Variants in CLCA2 observed in about 807,000 individuals in gnomAD.
CLCA2 encodes calcium-activated chloride channel regulator 2.
In CLCA2, 85 loss-of-function variants were observed where a neutral mutation model predicts 82.9. The ratio of observed to expected loss-of-function variants is 1.03; its 90% CI spans 0.86 to 1.23. CLCA2 has a LOEUF of 1.23. Ranked by LOEUF, CLCA2 falls within the 50% of genes most tolerant of loss-of-function variation. The pLI is 0.00. For synonymous variants in CLCA2, 421 were observed against 391.7 expected, an observed-to-expected ratio of 1.07 and a Z score of -0.88; for missense variants, 1,089 against 1,124.8, an observed-to-expected ratio of 0.97 and a Z score of 0.45.
chr1:86,427,547 T>TAC (rs146595899), intron 2 of CLCA2, among the ~76,000 whole-genome samples: 29,157 of 148,068 alleles, frequency 0.2, 3,005 homozygotes, highest in East Asian at 0.41. Flanking sequence ...CACACATACA[T>TAC]ACACACACAC....
In CLCA2 at chr1:86,447,753, G is replaced by C; in HGVS notation, c.1959G>C (p.Thr653=). ...AGCCAGAGACTGGAGATCCTGTTAC[G>C]CTGAGACTCCTTGATGATGGAGCAG... ...TVEPETGDPV[T]LRLLDDGAGA... The change falls in exon 11 of 14, where the codon ACG becomes ACC. Residue 653 remains threonine, a synonymous_variant. Transcript: ENST00000370565. 2 of 1,613,270 alleles carry C rather than the reference G, an allele frequency of 1.2e-6. No homozygotes were observed. Among genetic ancestry groups the C allele is most frequent in the Non-Finnish European group, 1.7e-6 (2 of 1,179,956 alleles).
In CLCA2 at chr1:86,434,560, C is replaced by A; in HGVS notation, c.787C>A (p.Pro263Thr). 6.2e-7 allele frequency: 1 copy of A among 1,614,054 alleles called. No homozygotes were observed. The highest frequency in any genetic ancestry group is 8.5e-7 in the Non-Finnish European group (1 of 1,179,974). ...CNASTHNQEAPNLQNQMCSLR... is the reference protein window; with the variant it reads ...CNASTHNQEATNLQNQMCSLR... Reference sequence around the variant, plus strand: ...TGCAAGTACCCACAACCAAGAAGCACCAAACCTACAGAACCAGATGTGCAG... The same window carrying A: ...TGCAAGTACCCACAACCAAGAAGCAACAAACCTACAGAACCAGATGTGCAG... The change falls in exon 6 of 14, where the codon CCA becomes ACA. Residue 263 changes from proline (P) to threonine (T), a missense_variant. By Grantham distance (38) the Pro-to-Thr change is conservative. Coordinates refer to ENST00000370565, the MANE Select transcript of CLCA2 (RefSeq NM_006536.7).
At chr1:86,437,227 C>T (rs1662632667) in intron 6 of CLCA2, among the ~76,000 whole-genome samples, 1 of 152,186 alleles carries the variant, frequency 6.6e-6, no homozygotes, top group Non-Finnish European at 1.5e-5. Flanking sequence ...TATTGCCATT[C>T]ATTATCAGAT....
intron 2 of CLCA2, 42 bp from the exon 3 acceptor site, chr1:86,428,376 A>G (rs750778081): frequency 3.9e-6 from 6 of 1,546,952 alleles, no homozygotes; most frequent in Non-Finnish European, 5.2e-6. Flanking sequence ...GTCACCAACA[A>G]CAGAGCTGAG....
chr1:86,440,285 A>C lies in CLCA2; in HGVS notation c.1341A>C (p.Ser447=). ...GSTIHSIALG[S]SAAPNLEELS... is the part of the protein sequence containing the mutation. ...CAATTCACTCCATTGCCCTGGGTTC[A>C]TCTGCAGCCCCAAATCTGGAGGAAT... Residue 447 remains serine, a synonymous_variant, in exon 8 of 14, where the codon TCA becomes TCC. Coordinates refer to ENST00000370565, the MANE Select transcript of CLCA2 (RefSeq NM_006536.7). The C allele has an allele frequency of 6.2e-7, 1 of 1,614,058 alleles. No homozygotes were observed. Among genetic ancestry groups the C allele is most frequent in the Non-Finnish European group, 8.5e-7 (1 of 1,179,982 alleles).
Position 86,453,362 on chromosome 1 carries a change from G to A in CLCA2, c.2156-7G>A. On this transcript the variant is annotated splice_region_variant and splice_polypyrimidine_tract_variant and intron_variant, in intron 12 of 13. Coordinates refer to ENST00000370565, the MANE Select transcript of CLCA2 (RefSeq NM_006536.7). ...CATTTTGCCTTTTTTTTTCTTTTTT[G>A]TCTCAGGTAATATTCAGATGAATGC... The A allele has an allele frequency of 6.3e-7, 1 of 1,589,128 alleles. No individual in the cohort carries two copies. The highest frequency in any genetic ancestry group is 8.6e-7 in the Non-Finnish European group (1 of 1,168,968).
chr1:86,440,775 C>A (rs1453743655), intron 8 of CLCA2, among the ~76,000 whole-genome samples: 1 of 151,950 alleles, frequency 6.6e-6, no homozygotes, highest in East Asian at 1.9e-4. Context: ...GTGGCGGGTC[C>A]CTATACTCCC....
chr1:86,444,598 A>G (rs909880261), intron 10 of CLCA2, among the ~76,000 whole-genome samples: 2 of 152,234 alleles, frequency 1.3e-5, no homozygotes, highest in Non-Finnish European at 2.9e-5. Context: ...AGACTCAGAT[A>G]AAAAGAACAT....
intron 12 of CLCA2, among the ~76,000 whole-genome samples, chr1:86,452,896 C>T (rs948922771): frequency 5.3e-5 from 8 of 152,084 alleles, no homozygotes; most frequent in Admixed American, 2.0e-4. Flanking sequence ...TTACTGAGGC[C>T]GGGCACAGTG....
chr1:86,441,464 T>C lies in CLCA2; in HGVS notation c.1409T>C (p.Ile470Thr). ...GGTTTAAAGTTCTTTGTTCCAGATA[T>C]ATCAAACTCCAATAGCATGATTGAT... ...TGGLKFFVPD[I>T]SNSNSMIDAF... Residue 470 changes from isoleucine (I) to threonine (T), a missense_variant, in exon 9 of 14, where the codon ATA becomes ACA. Ile to Thr is a moderately conservative substitution (Grantham distance 89). Transcript: ENST00000370565. The C allele has an allele frequency of 6.2e-7, 1 of 1,608,540 alleles. No individual in the cohort carries two copies. The highest frequency in any genetic ancestry group is 8.5e-7 in the Non-Finnish European group (1 of 1,175,748).
At position 86,424,289 on chromosome 1, in the gene CLCA2, G is replaced by C; in HGVS notation, c.42G>C (p.Lys14Asn). Residue 14 changes from lysine (K) to asparagine (N), a missense_variant, in exon 1 of 14, where the codon AAG (lysine) becomes AAC (asparagine). Coordinates refer to ENST00000370565, the MANE Select transcript of CLCA2 (RefSeq NM_006536.7). ...TTGCAGGTCCTATTTGCAACCTGAA[G>C]TTTGTGACTCTCCTGGTTGCCTTAA... ...RSIAGPICNL[K>N]FVTLLVALSS... 1 of 1,613,846 alleles carries C rather than the reference G, an allele frequency of 6.2e-7. No individual in the cohort carries two copies. The highest frequency in any genetic ancestry group is 8.5e-7 in the Non-Finnish European group (1 of 1,179,878).
intron 5 of CLCA2, among the ~76,000 whole-genome samples, chr1:86,433,411 A>G (rs1662538680): frequency 6.6e-6 from 1 of 152,142 alleles, no homozygotes; most frequent in Admixed American, 6.6e-5. Context: ...ATTTTATTTC[A>G]TTCTGGTTTT....
chr1:86,424,265 T>C lies in CLCA2; in HGVS notation c.18T>C (p.Ile6=), dbSNP rs1018816408. ...TCTACAACATGACCCAAAGGAGCAT[T>C]GCAGGTCCTATTTGCAACCTGAAGT... is the stretch of plus-strand genomic sequence containing the variant. The part of the protein sequence containing the change: MTQRS[I]AGPICNLKFV... Residue 6 remains isoleucine, a synonymous_variant, in exon 1 of 14, where the codon ATT becomes ATC. Coordinates refer to ENST00000370565, the MANE Select transcript of CLCA2 (RefSeq NM_006536.7). The C allele has an allele frequency of 6.2e-7, 1 of 1,613,284 alleles. No individual in the cohort carries two copies. The highest frequency in any genetic ancestry group is 1.1e-5 in the South Asian group (1 of 90,960).
intron 12 of CLCA2, 35 bp from the exon 13 acceptor site, chr1:86,453,334 T>G: frequency 6.5e-7 from 1 of 1,544,256 alleles, no homozygotes; most frequent in Non-Finnish European, 8.9e-7. Context: ...CTTTGTAATT[T>G]GTCATTTTGC....
In CLCA2 at chr1:86,438,884, A is replaced by G. The variant is rs755049285; in HGVS notation, c.981A>G (p.Arg327=). The G allele has an allele frequency of 2.5e-6, 4 of 1,613,764 alleles. No individual in the cohort carries two copies. Among genetic ancestry groups the G allele is most frequent in the Non-Finnish European group, 3.4e-6 (4 of 1,179,878 alleles). ...TCCTTTTTGGGACATAGGCTGACAGACTCCTTCAACTACAACAAGCCGCAG... is the reference window on the plus strand; with the variant it reads ...TCCTTTTTGGGACATAGGCTGACAGGCTCCTTCAACTACAACAAGCCGCAG... ...DVSSKMAEAD[R]LLQLQQAAEF... The change falls in exon 7 of 14, where the codon AGA becomes AGG. Residue 327 remains arginine (R), a synonymous_variant. Coordinates refer to ENST00000370565, the MANE Select transcript of CLCA2 (RefSeq NM_006536.7).
intron 4 of CLCA2, among the ~76,000 whole-genome samples, chr1:86,431,362 G>A (rs1226531294): frequency 6.6e-6 from 1 of 151,980 alleles, no homozygotes; most frequent in Non-Finnish European, 1.5e-5. Context: ...ATTGCATAGT[G>A]TTCCATTATG....
chr1:86,441,477 T>G lies in CLCA2; in HGVS notation c.1422T>G (p.Asn474Lys). 1 of 1,611,858 alleles carries G rather than the reference T, an allele frequency of 6.2e-7. No homozygotes were observed. The highest frequency in any genetic ancestry group is 8.5e-7 in the Non-Finnish European group (1 of 1,178,296). Residue 474 changes from asparagine (N) to lysine (K), a missense_variant, in exon 9 of 14, where the codon AAT (asparagine) becomes AAG (lysine). Physicochemically the swap from Asn to Lys is moderately conservative, Grantham distance 94. Coordinates refer to ENST00000370565, the MANE Select transcript of CLCA2 (RefSeq NM_006536.7). The stretch of plus-strand genomic sequence containing the variant: ...TTGTTCCAGATATATCAAACTCCAA[T>G]AGCATGATTGATGCTTTCAGTAGAA... The part of the protein sequence containing the change: ...KFFVPDISNS[N>K]SMIDAFSRIS...
chr1:86,432,359 C>T lies in CLCA2; in HGVS notation c.585-10C>T, dbSNP rs576108069. On this transcript the variant is annotated splice_polypyrimidine_tract_variant and intron_variant, in intron 4 of 13. Coordinates refer to ENST00000370565, the MANE Select transcript of CLCA2 (RefSeq NM_006536.7). The stretch of plus-strand genomic sequence containing the variant: ...TAGACCTAATTCCCAGTTTCTCTTT[C>T]CATTTTTAGGTGTTCATCTGACATC... 2.0e-5 allele frequency: 33 copies of T among 1,611,006 alleles called. 1 individual carries two copies. The Middle Eastern group carries it at 1.3e-3, about 65-fold the overall frequency.
chr1:86,439,687 A>C (rs1662683577), intron 7 of CLCA2, among the ~76,000 whole-genome samples: 1 of 152,158 alleles, frequency 6.6e-6, no homozygotes, highest in African/African-American at 2.4e-5. Flanking sequence ...CTATCTATTG[A>C]AATCACCTGG....
Sources: allele counts gnomAD v4.1 joint callset (sites outside exome capture counted in the v4.1 genomes callset), GRCh38; gene constraint gnomAD v4.1.1; transcripts MANE v1.5; gene names NCBI Gene and HGNC (gene_info 2026-07-23, HGNC 2026-07-21).